CREM: variants seen among roughly 807,000 people sequenced by gnomAD.
CREM encodes the protein cAMP responsive element modulator, also known as cAMP-responsive element modulator.
Under a neutral mutation model 37.3 loss-of-function variants are expected in CREM, and 13 were observed. The observed-to-expected ratio is 0.35, with a 90% confidence interval of 0.23 to 0.55. CREM has a LOEUF of 0.55. CREM is among the 20% of genes least tolerant of loss of function. CREM has a pLI of 0.88. For synonymous variants in CREM, 124 were observed against 120.2 expected (o/e 1.03, Z -0.21); for missense variants, 296 against 362.3 (o/e 0.82, Z 1.49).
chr10:35,132,723 C>CA (rs1414112260), intron 1 of CREM, among the ~76,000 whole-genome samples: 2 of 152,142 alleles, frequency 1.3e-5, no homozygotes, highest in African/African-American at 4.8e-5. Flanking sequence ...CATTGTTTTT[C>CA]CTGTACTCAT....
intron 3 of CREM, among the ~76,000 whole-genome samples, chr10:35,160,300 A>G (rs34630580): frequency 0.3 from 45,685 of 152,174 alleles, 7,279 homozygotes; most frequent in South Asian, 0.35. Flanking sequence ...TATAGGGCAC[A>G]AAACCATAGT....
chr10:35,149,818 T>C (rs2136015686), intron 3 of CREM, among the ~76,000 whole-genome samples: 1 of 151,486 alleles, frequency 6.6e-6, no homozygotes, highest in Middle Eastern at 3.4e-3. Flanking sequence ...TCTGTAGAGC[T>C]GTATCTCCCT....
intron 3 of CREM, among the ~76,000 whole-genome samples, chr10:35,166,009 G>A (rs1218490678): frequency 6.6e-6 from 1 of 151,954 alleles, no homozygotes; most frequent in Non-Finnish European, 1.5e-5. Flanking sequence ...GACCATTTAC[G>A]TTTACAGTAT....
In CREM at chr10:35,144,988, C is replaced by T. The variant is rs576524265; in HGVS notation, c.45-3380C>T. 2.2e-4 allele frequency among the ~76,000 whole-genome samples: 34 copies of T among 151,560 alleles called. No homozygotes were observed. The South Asian group carries it at 6.3e-3, about 28-fold the overall frequency. On this transcript the variant is annotated intron_variant, in intron 2 of 7. Transcript: ENST00000685392. ...CAGCCTGGCCAACATGGTTAAACCC[C>T]GTGTCTACTAAAAATAAAAAAAATT...
chr10:35,207,250 C>T (rs1476673352), intron 7 of CREM, among the ~76,000 whole-genome samples, 199 bp downstream of exon 7: 3 of 151,560 alleles, frequency 2.0e-5, no homozygotes, highest in South Asian at 2.1e-4. Flanking sequence ...AAAAATTCGC[C>T]GGGCGTGGTG....
intron 2 of CREM, among the ~76,000 whole-genome samples, chr10:35,147,564 G>A (rs969744988): frequency 3.3e-5 from 5 of 152,096 alleles, no homozygotes; most frequent in African/African-American, 9.6e-5. Flanking sequence ...TATCAGAAAC[G>A]ACTTAGTGAT....
At chr10:35,194,502 T>C (rs2095064257) in intron 6 of CREM, among the ~76,000 whole-genome samples, 1 of 152,232 alleles carries the variant, frequency 6.6e-6, no homozygotes, top group Non-Finnish European at 1.5e-5. Flanking sequence ...CTAGTAGTTA[T>C]GGGAGAATAC....
At chr10:35,185,978 C>T (rs73260892) in intron 5 of CREM, among the ~76,000 whole-genome samples, 4,577 of 152,294 alleles carry the variant, frequency 0.03, 231 homozygotes, top group African/African-American at 0.1. Flanking sequence ...ATCAGGTTAT[C>T]GCCTAAGTGC....
intron 6 of CREM, 89 bp downstream of exon 6, chr10:35,188,477 A>T (rs1330126660): frequency 8.2e-7 from 1 of 1,222,206 alleles, no homozygotes; most frequent in African/African-American, 1.6e-5. Flanking sequence ...TTTGAAATAG[A>T]TCGAAGGTAG....
chr10:35,206,125 G>C (rs1433172185), intron 6 of CREM, among the ~76,000 whole-genome samples: 1 of 152,026 alleles, frequency 6.6e-6, no homozygotes, highest in Non-Finnish European at 1.5e-5. Flanking sequence ...GCAGGCGCCT[G>C]TAGTCCCAGC....
chr10:35,194,097 C>CAAAAAAAAAAAAA (rs371978117), intron 6 of CREM, among the ~76,000 whole-genome samples: 1,028 of 25,018 alleles, frequency 0.041, 142 homozygotes, highest in Non-Finnish European at 0.05. Flanking sequence ...GACTTCATCT[C>CAAAAAAAAAAAAA]AAAAAAAAAA....
chr10:35,159,844 CAGA>C (rs1218948293), intron 3 of CREM, among the ~76,000 whole-genome samples: 2 of 152,170 alleles, frequency 1.3e-5, no homozygotes, highest in Non-Finnish European at 2.9e-5. Context: ...ATCCGAAACA[CAGA>C]AGGACTCAAA....
intron 1 of CREM, among the ~76,000 whole-genome samples, chr10:35,133,882 T>A (rs771755949): frequency 6.6e-6 from 1 of 152,250 alleles, no homozygotes; most frequent in South Asian, 2.1e-4. Flanking sequence ...TTAGCTATAC[T>A]GTAGGCTTCA....
intron 2 of CREM, 61 bp from the exon 3 acceptor site, chr10:35,148,307 C>T (rs1004728634): frequency 1.8e-4 from 266 of 1,505,268 alleles, no homozygotes; most frequent in Non-Finnish European, 2.2e-4. Context: ...GATGTTCAAC[C>T]TGTATTTCCA....
At chr10:35,165,495 C>A (rs1319773253) in intron 3 of CREM, among the ~76,000 whole-genome samples, 1 of 152,072 alleles carries the variant, frequency 6.6e-6, no homozygotes, top group Non-Finnish European at 1.5e-5. Context: ...TTATGTAATT[C>A]TTCTTTCCTG....
chr10:35,171,305 G>A (rs2093810118), intron 3 of CREM: 1 of 151,180 alleles, frequency 6.6e-6, no homozygotes, highest in Non-Finnish European at 1.5e-5. Context: ...ATGAGTAGCT[G>A]GGATTACAGG....
At chr10:35,130,121 C>T (rs536800972) in intron 1 of CREM, among the ~76,000 whole-genome samples, 45 of 149,410 alleles carry the variant, frequency 3.0e-4, no homozygotes, top group African/African-American at 8.9e-4. Context: ...GCTTGAACCC[C>T]GGAGGCGGAG....
intron 5 of CREM, among the ~76,000 whole-genome samples, chr10:35,184,768 T>C (rs2094483592): frequency 6.6e-6 from 1 of 151,728 alleles, no homozygotes; most frequent in African/African-American, 2.4e-5. Context: ...GAAACATTAC[T>C]GAAAAGAAAA....
intron 1 of CREM, among the ~76,000 whole-genome samples, chr10:35,130,705 A>G (rs1197341303): frequency 2.0e-5 from 3 of 152,208 alleles, no homozygotes; most frequent in Admixed American, 6.5e-5. Flanking sequence ...AGTATATAGT[A>G]CAGTAACATG....
Sources: allele counts gnomAD v4.1 joint callset (sites outside exome capture counted in the v4.1 genomes callset), GRCh38; gene constraint gnomAD v4.1.1; transcripts MANE v1.5; gene names NCBI Gene and HGNC (gene_info 2026-07-23, HGNC 2026-07-21).